Variants in CHIC1 observed in about 807,000 individuals in gnomAD.
CHIC1 encodes cysteine rich hydrophobic domain 1.
In CHIC1, 7 loss-of-function variants were observed where a neutral mutation model predicts 18.5. The ratio of observed to expected loss-of-function variants is 0.38; its 90% CI spans 0.22 to 0.71. The LOEUF (loss-of-function observed/expected upper bound fraction) is 0.71, where lower values mean the gene tolerates loss of function less well. Among genes scored for constraint, CHIC1 ranks in the 30% least tolerant of loss-of-function variants. The probability of loss-of-function intolerance (pLI) is 0.49; values close to 1 mark genes in which losing one functional copy is unlikely to be tolerated. For missense variants in CHIC1, 159 were observed against 176.9 expected, an observed-to-expected ratio of 0.90 and a Z score of 0.57; for synonymous variants, 77 against 73.5, an observed-to-expected ratio of 1.05 and a Z score of -0.25.
In CHIC1 at chrX:73,644,519, G is replaced by A. The variant is rs762773352; in HGVS notation, c.508-34807G>A. ...AGAGGCAGGCAGGCCTCCTTGAGCT[G>A]TGGTGGGCTCCACCCAGTTCAAGCT... On this transcript the variant is annotated intron_variant, in intron 3 of 5. Coordinates refer to ENST00000373502, the MANE Select transcript of CHIC1 (RefSeq NM_001039840.4). Among the ~76,000 whole-genome samples the A allele has an allele frequency of 4.2e-3, 477 of 112,700 alleles. 1 individual carries two copies. The highest frequency in any genetic ancestry group is 6.5e-3 in the Non-Finnish European group (348 of 53,265).
intron 3 of CHIC1, among the ~76,000 whole-genome samples, chrX:73,636,357 G>A (rs896750601): frequency 9.0e-6 from 1 of 111,142 alleles, no homozygotes; most frequent in African/African-American, 3.3e-5. Context: ...TGATCACAGT[G>A]CAGTACAGCC....
rs1422291872 is a variant in CHIC1 at position 73,683,482 on chromosome X, A to G, written c.*2477A>G. On this transcript the variant is annotated 3_prime_UTR_variant, in exon 6 of 6. Coordinates refer to ENST00000373502, the MANE Select transcript of CHIC1 (RefSeq NM_001039840.4). ...AGTGAATGCTAAAATGACACAGCAC[A>G]CTGGTGATTAATTCCTCCCCCATGG... The G allele has an allele frequency of 9.0e-6, 1 of 111,630 alleles. No individual in the cohort carries two copies. Among genetic ancestry groups the G allele is most frequent in the Non-Finnish European group, 1.9e-5 (1 of 52,902 alleles). 9.2% of individuals were successfully genotyped at this position (111,630 alleles called of 1,213,427 possible). A position where few individuals can be genotyped will look rare whatever the true frequency, so the allele number is the denominator to read the frequency against.
chrX:73,599,114 G>T lies in CHIC1; in HGVS notation c.507+14542G>T, dbSNP rs1330608974. On this transcript the variant is annotated intron_variant, in intron 3 of 5. Coordinates refer to ENST00000373502, the MANE Select transcript of CHIC1 (RefSeq NM_001039840.4). The stretch of plus-strand genomic sequence containing the variant: ...TGAGCATTTTTTCATGTGTTTTTTG[G>T]CTGCATAAATGTCTTCTTTTGAGAA... Among the ~76,000 whole-genome samples the T allele has an allele frequency of 3.6e-5, 4 of 109,925 alleles. No homozygotes were observed. The East Asian group carries it at 1.2e-3, about 32-fold the overall frequency.
Position 73,584,482 on chromosome X carries a change from G to C in CHIC1, c.417G>C (p.Pro139=), listed in dbSNP as rs148912894. The C allele has an allele frequency of 4.3e-6, 5 of 1,174,235 alleles. No individual in the cohort carries two copies. The Admixed American group carries it at 1.2e-4, about 29-fold the overall frequency. Residue 139 remains proline (P), a synonymous_variant, in exon 3 of 6, where the codon CCG becomes CCC. Coordinates refer to ENST00000373502, the MANE Select transcript of CHIC1 (RefSeq NM_001039840.4). ...RVNACLKKAL[P]VNVKWLLCGC... Reference sequence around the variant, plus strand: ...ATGCATGTTTGAAAAAGGCTCTCCCGGTCAATGTGAAATGGCTGCTGTGTG... The same window carrying C: ...ATGCATGTTTGAAAAAGGCTCTCCCCGTCAATGTGAAATGGCTGCTGTGTG...
intron 3 of CHIC1, among the ~76,000 whole-genome samples, chrX:73,643,101 G>T (rs1335852884): frequency 3.6e-5 from 4 of 111,535 alleles, no homozygotes; most frequent in African/African-American, 1.3e-4. Flanking sequence ...TGTCTGTAAA[G>T]TATTTTATTT....
intron 3 of CHIC1, among the ~76,000 whole-genome samples, chrX:73,617,039 A>G (rs775412131): frequency 8.9e-6 from 1 of 112,155 alleles, no homozygotes; most frequent in South Asian, 3.7e-4. Context: ...CTGAACTTTT[A>G]TGCTGTTTCC....
chrX:73,589,436 C>A (rs1211610654), intron 3 of CHIC1, among the ~76,000 whole-genome samples: 4 of 110,545 alleles, frequency 3.6e-5, no homozygotes, highest in Non-Finnish European at 7.6e-5. Flanking sequence ...TTAGTTGTTA[C>A]AATTAACATC....
chrX:73,590,338 G>GA (rs1009846370), intron 3 of CHIC1, among the ~76,000 whole-genome samples: 12 of 108,411 alleles, frequency 1.1e-4, no homozygotes, highest in Non-Finnish European at 1.2e-4. Context: ...TAGGTTTACA[G>GA]AAAAAAAAAT....
chrX:73,649,327 A>G (rs945978244), intron 3 of CHIC1, among the ~76,000 whole-genome samples: 1 of 111,817 alleles, frequency 8.9e-6, no homozygotes, highest in Non-Finnish European at 1.9e-5. Flanking sequence ...TCATGATGAC[A>G]GCATCAAATT....
intron 3 of CHIC1, among the ~76,000 whole-genome samples, chrX:73,663,507 T>C (rs1050803046): frequency 4.5e-5 from 5 of 110,786 alleles, no homozygotes; most frequent in Non-Finnish European, 9.4e-5. Context: ...TTCTTCCCTC[T>C]GAATTGCAAC....
intron 3 of CHIC1, among the ~76,000 whole-genome samples, chrX:73,676,439 T>C (rs1253282260): frequency 2.7e-5 from 3 of 111,476 alleles, no homozygotes; most frequent in Non-Finnish European, 5.6e-5. Context: ...TTCTTTTTAT[T>C]CTTTTTTCTC....
At chrX:73,657,068 T>TA (rs2057953217) in intron 3 of CHIC1, among the ~76,000 whole-genome samples, 1 of 104,938 alleles carries the variant, frequency 9.5e-6, no homozygotes, top group Non-Finnish European at 2.0e-5. Context: ...TTAATTTTTT[T>TA]TTTTTTTTTG....
intron 3 of CHIC1, among the ~76,000 whole-genome samples, chrX:73,654,201 G>A (rs1219453773): frequency 8.9e-6 from 1 of 111,867 alleles, no homozygotes; most frequent in African/African-American, 3.2e-5. Flanking sequence ...TTGTTTTTGA[G>A]ATATATTTCT....
rs1363206618 is a variant in CHIC1, at chrX:73,611,831, T to G, written c.507+27259T>G. ...CATAAATGTCTTCTTTTGAGAAGTG[T>G]CTGTTCATGTCCTTTGCCCACTTTT... On this transcript the variant is annotated intron_variant, in intron 3 of 5. Transcript: ENST00000373502. Among the ~76,000 whole-genome samples the G allele has an allele frequency of 3.7e-5, 4 of 108,584 alleles. No individual in the cohort carries two copies. The East Asian group carries it at 1.1e-3, about 31-fold the overall frequency. The allele number at this position is 108,584 out of a possible 115,157, so 94.3% of individuals were successfully genotyped here. A position where few individuals can be genotyped will look rare whatever the true frequency, so the allele number is the denominator to read the frequency against.
At position 73,675,430 on chromosome X, in the gene CHIC1, A is replaced by C. The variant is rs1056899941; in HGVS notation, c.508-3896A>C. Among the ~76,000 whole-genome samples, 4 of 111,973 alleles carry C rather than the reference A, an allele frequency of 3.6e-5. No individual in the cohort carries two copies. The Admixed American group carries it at 3.8e-4, about 11-fold the overall frequency. On this transcript the variant is annotated intron_variant, in intron 3 of 5. Transcript: ENST00000373502. ...CTGGGTGCTCCTGTATTGGATGCATATATATTTAGGATAGTTAGCTCTTCT... is the reference window on the plus strand; with the variant it reads ...CTGGGTGCTCCTGTATTGGATGCATCTATATTTAGGATAGTTAGCTCTTCT...
Position 73,604,037 on chromosome X carries a change from G to T in CHIC1, c.507+19465G>T, listed in dbSNP as rs780778238. Among the ~76,000 whole-genome samples, 23 of 108,263 alleles carry T rather than the reference G, an allele frequency of 2.1e-4. 1 individual carries two copies. In the South Asian group the frequency reaches 8.8e-3, roughly 41 times the overall value. 94.0% of individuals were successfully genotyped at this position (108,263 alleles called of 115,157 possible). A position where few individuals can be genotyped will look rare whatever the true frequency, so the allele number is the denominator to read the frequency against. On this transcript the variant is annotated intron_variant, in intron 3 of 5. Coordinates refer to ENST00000373502, the MANE Select transcript of CHIC1 (RefSeq NM_001039840.4). ...GCCTCATAAAATGAGTTAGGGAGGA[G>T]TCCTTCTTTTTCTGTTGTTTGGAAT...
At chrX:73,666,736 T>C (rs2058006003) in intron 3 of CHIC1, among the ~76,000 whole-genome samples, 1 of 112,507 alleles carries the variant, frequency 8.9e-6, no homozygotes, top group African/African-American at 3.2e-5. Flanking sequence ...TTATGATTTC[T>C]GTTCTTTGCA....
chrX:73,680,987 C>T lies in CHIC1; in HGVS notation c.657C>T (p.Pro219=). ...VILIEFLPKY[P]IFRPD is the part of the protein sequence containing the mutation. ...TAATAGAATTCTTACCAAAATATCC[C>T]ATATTCCGACCTGACTGAGGAGTTT... Residue 219 remains proline (P), a synonymous_variant, in exon 6 of 6, where the codon CCC becomes CCT. Transcript: ENST00000373502. 9.0e-7 allele frequency: 1 copy of T among 1,110,711 alleles called. No individual in the cohort carries two copies. The highest frequency in any genetic ancestry group is 2.7e-5 in the Admixed American group (1 of 37,266). 91.5% of individuals were successfully genotyped at this position (1,110,711 alleles called of 1,213,427 possible).
intron 3 of CHIC1, among the ~76,000 whole-genome samples, chrX:73,606,953 G>A (rs1468855060): frequency 9.2e-6 from 1 of 108,915 alleles, no homozygotes; most frequent in Non-Finnish European, 1.9e-5. Flanking sequence ...CAGGAGGCAC[G>A]GTTGTCAGGG....
Sources: allele counts gnomAD v4.1 joint callset (sites outside exome capture counted in the v4.1 genomes callset), GRCh38; gene constraint gnomAD v4.1.1; transcripts MANE v1.5; gene names NCBI Gene and HGNC (gene_info 2026-07-23, HGNC 2026-07-21).